Variants in ITPR2 observed in about 807,000 individuals in gnomAD.
ITPR2 encodes the protein inositol 1,4,5-trisphosphate-gated calcium channel ITPR2.
In ITPR2, 207 loss-of-function variants were observed where a neutral mutation model predicts 317.1. That is an observed-to-expected ratio of 0.65 (90% CI 0.58 to 0.73). ITPR2 has a LOEUF of 0.73. ITPR2 is among the 30% of genes least tolerant of loss of function. The pLI is 0.00. For synonymous variants in ITPR2, 1,156 were observed against 1,149.1 expected, an observed-to-expected ratio of 1.01 and a Z score of -0.12; for missense variants, 2,613 against 3,284.0, an observed-to-expected ratio of 0.80 and a Z score of 4.99.
chr12:26,546,525 A>G (rs1356227136), intron 37 of ITPR2, among the ~76,000 whole-genome samples: 2 of 152,216 alleles, frequency 1.3e-5, no homozygotes, highest in African/African-American at 4.8e-5. Flanking sequence ...TGCAAATGAC[A>G]TGATATCATA....
intron 10 of ITPR2, among the ~76,000 whole-genome samples, chr12:26,691,853 C>T (rs1948247022): frequency 6.6e-6 from 1 of 152,086 alleles, no homozygotes; most frequent in African/African-American, 2.4e-5. Flanking sequence ...TGTGCATGCA[C>T]GTGTGTTTTT....
intron 1 of ITPR2, among the ~76,000 whole-genome samples, chr12:26,819,908 A>T (rs1173490790): frequency 5.3e-5 from 8 of 152,044 alleles, no homozygotes; most frequent in Non-Finnish European, 1.2e-4. Flanking sequence ...CTCTACTAAA[A>T]ATACCCAAAA....
intron 51 of ITPR2, 69 bp from the exon 52 acceptor site, chr12:26,411,481 T>C: frequency 9.5e-7 from 1 of 1,049,106 alleles, no homozygotes; most frequent in Non-Finnish European, 1.4e-6. Flanking sequence ...AACCTACAGT[T>C]CTAAAGATAT....
rs970350697 is a variant in ITPR2 at position 26,338,608 on chromosome 12, T to C, written c.*789A>G. On this transcript the variant is annotated 3_prime_UTR_variant, in exon 57 of 57. Coordinates refer to ENST00000381340, the MANE Select transcript of ITPR2 (RefSeq NM_002223.4). The stretch of plus-strand genomic sequence containing the variant: ...ATACATATGGTCTCAAAAAACCCTT[T>C]CCTGGGGCTTACTGTTGGCTTTTTA... The C allele has an allele frequency of 2.0e-5, 3 of 152,208 alleles. No homozygotes were observed. Among genetic ancestry groups the C allele is most frequent in the Non-Finnish European group, 4.4e-5 (3 of 68,038 alleles). The allele number at this position is 152,208 out of a possible 1,614,324, so 9.4% of individuals were successfully genotyped here. A position where few individuals can be genotyped will look rare whatever the true frequency, so the allele number is the denominator to read the frequency against.
intron 35 of ITPR2, among the ~76,000 whole-genome samples, chr12:26,558,516 G>C (rs1944723918): frequency 6.6e-6 from 1 of 152,104 alleles, no homozygotes; most frequent in African/African-American, 2.4e-5. Flanking sequence ...CAAACTCAGT[G>C]GTTTACTTGC....
chr12:26,436,093 C>G (rs1649750359), intron 48 of ITPR2, 128 bp downstream of exon 48: 2 of 883,848 alleles, frequency 2.3e-6, no homozygotes, highest in Admixed American at 3.3e-5. Context: ...TATTTACTAT[C>G]ATACTCTACT....
At position 26,656,476 on chromosome 12, in the gene ITPR2, C is replaced by T; in HGVS notation, c.2265G>A (p.Gln755=). Residue 755 remains glutamine (Q), a synonymous_variant, in exon 19 of 57, where the codon CAG becomes CAA. Coordinates refer to ENST00000381340, the MANE Select transcript of ITPR2 (RefSeq NM_002223.4). ...QYLAINQIST[Q]LSVDLILRCV... ...ACCGCAGGATCAGGTCTACAGACAG[C>T]TGTGTAGAAATCTGGTTTATGGCCA... is the stretch of plus-strand genomic sequence containing the variant. 6.2e-7 allele frequency: 1 copy of T among 1,614,226 alleles called. No homozygotes were observed. The highest frequency in any genetic ancestry group is 8.5e-7 in the Non-Finnish European group (1 of 1,180,024).
Position 26,790,586 on chromosome 12 carries a change from T to TACACACACACACACACACACAC in ITPR2, c.93-381_93-360dup, listed in dbSNP as rs10527860. On this transcript the variant is annotated intron_variant, in intron 1 of 56. Transcript: ENST00000381340. ...CCAATCAATAAGATACATATATGCTTACACACACACACACACACACACACA... is the reference window on the plus strand; with the variant it reads ...CCAATCAATAAGATACATATATGCTTACACACACACACACACACACACACACACACACACACACACACACACA... Among the ~76,000 whole-genome samples the TACACACACACACACACACACAC allele has an allele frequency of 3.7e-4, 54 of 147,818 alleles. 1 individual carries two copies. Among genetic ancestry groups the TACACACACACACACACACACAC allele is most frequent in the Non-Finnish European group, 6.7e-4 (45 of 66,852 alleles).
At chr12:26,459,608 C>G (rs999789635) in intron 45 of ITPR2, among the ~76,000 whole-genome samples, 13 of 152,204 alleles carry the variant, frequency 8.5e-5, no homozygotes, top group Non-Finnish European at 1.6e-4. Flanking sequence ...TCTCTCTCCT[C>G]TCTTGCTTTT....
At chr12:26,669,879 G>A (rs948419512) in intron 13 of ITPR2, among the ~76,000 whole-genome samples, 11 of 152,250 alleles carry the variant, frequency 7.2e-5, no homozygotes, top group African/African-American at 2.4e-4. Flanking sequence ...TTAAAAAACG[G>A]CGCACCAGGA....
intron 55 of ITPR2, among the ~76,000 whole-genome samples, chr12:26,377,346 C>G (rs1459131353): frequency 1.3e-5 from 2 of 152,216 alleles, no homozygotes; most frequent in East Asian, 3.8e-4. Flanking sequence ...CTCTGCATCT[C>G]TAAACCAAGC....
rs1275260640 is a variant in ITPR2 at position 26,516,280 on chromosome 12, GGGAAGGGAAAGGAAA to G, written c.5074-21035_5074-21021del. 7.2e-3 allele frequency among the ~76,000 whole-genome samples: 326 copies of G among 45,170 alleles called. 17 individuals are homozygous for G. The highest frequency in any genetic ancestry group is 0.024 in the South Asian group (25 of 1,060). 29.6% of individuals were successfully genotyped at this position (45,170 alleles called of 152,430 possible). ...AGGAAAGGAAAGGAAAGGAAGGGAA[GGGAAGGGAAAGGAAA>G]GGAAAGGAAAGGAAAGGAAAGGAAA... On this transcript the variant is annotated intron_variant, in intron 37 of 56. Coordinates refer to ENST00000381340, the MANE Select transcript of ITPR2 (RefSeq NM_002223.4).
intron 37 of ITPR2, among the ~76,000 whole-genome samples, chr12:26,520,703 C>T (rs1943639731): frequency 6.6e-6 from 1 of 152,120 alleles, no homozygotes; most frequent in Non-Finnish European, 1.5e-5. Context: ...TCCTAGCTAT[C>T]AATTCTTCAT....
chr12:26,802,282 G>T (rs61920597), intron 1 of ITPR2, among the ~76,000 whole-genome samples: 1 of 151,556 alleles, frequency 6.6e-6, no homozygotes, highest in African/African-American at 2.4e-5. Flanking sequence ...CTGGGCAACA[G>T]AACAAGACCC....
At chr12:26,762,084 C>G (rs1949644634) in intron 2 of ITPR2, among the ~76,000 whole-genome samples, 1 of 151,858 alleles carries the variant, frequency 6.6e-6, no homozygotes, top group Non-Finnish European at 1.5e-5. Context: ...CTGAAAAAAG[C>G]CTACATGAGT....
chr12:26,562,929 GAAAT>G (rs1944859070), intron 34 of ITPR2, among the ~76,000 whole-genome samples: 2 of 144,982 alleles, frequency 1.4e-5, no homozygotes, highest in East Asian at 2.0e-4. Flanking sequence ...AAAAAAAAAA[GAAAT>G]AACACAAAAC....
At chr12:26,740,002 A>T (rs1362107936) in intron 2 of ITPR2, among the ~76,000 whole-genome samples, 1 of 152,198 alleles carries the variant, frequency 6.6e-6, no homozygotes, top group Non-Finnish European at 1.5e-5. Flanking sequence ...TTGTTTGCTA[A>T]ATCACAGGAT....
intron 55 of ITPR2, among the ~76,000 whole-genome samples, chr12:26,343,366 T>G (rs899018635): frequency 1.3e-5 from 2 of 152,172 alleles, no homozygotes; most frequent in Non-Finnish European, 2.9e-5. Flanking sequence ...TGAGAGTGCC[T>G]TAAGTCTGGT....
rs140486386 is a variant in ITPR2, at chr12:26,473,533, A to G, written c.6342+1763T>C. ...AAAACAGAAGTGGTTCTACTTCCCT[A>G]CTTTCTTCTTCTGAAACTTATTACT... On this transcript the variant is annotated intron_variant, in intron 45 of 56. Coordinates refer to ENST00000381340, the MANE Select transcript of ITPR2 (RefSeq NM_002223.4). Among the ~76,000 whole-genome samples the G allele has an allele frequency of 6.9e-4, 105 of 152,262 alleles. 1 individual carries two copies. The highest frequency in any genetic ancestry group is 1.1e-3 in the Non-Finnish European group (78 of 68,014).
Sources: gnomAD v4.1 joint callset for allele counts (sites outside exome capture counted in the v4.1 genomes callset) on GRCh38, gnomAD v4.1.1 for gene constraint, MANE v1.5 for transcripts, NCBI Gene and HGNC (gene_info 2026-07-23, HGNC 2026-07-21) for gene names.